Variants in TBX19 observed in about 807,000 individuals in gnomAD.
TBX19 encodes the protein T-box transcription factor TBX19.
A neutral mutation model predicts 40.9 loss-of-function variants in TBX19; 33 were observed. The ratio of observed to expected loss-of-function variants is 0.81; its 90% confidence interval spans 0.61 to 1.08. TBX19 has a LOEUF of 1.08. Ranked by LOEUF, TBX19 falls within the 50% of genes least tolerant of loss-of-function variation. TBX19 has a pLI of 0.00. For synonymous variants in TBX19, 220 were observed against 225.0 expected (o/e 0.98, Z 0.20); for missense variants, 494 against 574.0 (o/e 0.86, Z 1.42).
At position 168,312,960 on chromosome 1, in the gene TBX19, A is replaced by G; in HGVS notation, c.1305A>G (p.Pro435=). The G allele has an allele frequency of 6.2e-7, 1 of 1,614,244 alleles. No individual in the cohort carries two copies. Among genetic ancestry groups the G allele is most frequent in the South Asian group, 1.1e-5 (1 of 91,090 alleles). The change falls in exon 8 of 8, where the codon CCA becomes CCG. Residue 435 remains proline, a synonymous_variant. Coordinates refer to ENST00000367821, the MANE Select transcript of TBX19 (RefSeq NM_005149.3). ...ASHPFAGWGG[P]GAGGHHSPSS... is the part of the protein sequence containing the mutation. ...ATCCCTTCGCGGGCTGGGGTGGCCC[A>G]GGAGCGGGTGGGCACCATTCTCCTT...
intron 4 of TBX19, among the ~76,000 whole-genome samples, chr1:168,298,186 A>C (rs1414930462): frequency 6.6e-6 from 1 of 152,102 alleles, no homozygotes; most frequent in Non-Finnish European, 1.5e-5. Context: ...ACAGAGCGAG[A>C]CTCCGTCTCA....
rs558552710 is a variant in TBX19 at position 168,313,164 on chromosome 1, T to G, written c.*162T>G. On this transcript the variant is annotated 3_prime_UTR_variant, in exon 8 of 8. Coordinates refer to ENST00000367821, the MANE Select transcript of TBX19 (RefSeq NM_005149.3). Reference sequence around the variant, plus strand: ...AGTCATACTGGGAGAGGGTTCAGTTTGGATGATGCTAGTTAGATCATTTGC... The same window carrying G: ...AGTCATACTGGGAGAGGGTTCAGTTGGGATGATGCTAGTTAGATCATTTGC... The G allele has an allele frequency of 2.2e-5, 18 of 804,524 alleles. No individual in the cohort carries two copies. The highest frequency in any genetic ancestry group is 3.6e-5 in the Non-Finnish European group (18 of 494,858). The allele number at this position is 804,524 out of a possible 1,614,324, so 49.8% of individuals were successfully genotyped here.
rs770923560 is a variant in TBX19 at position 168,291,299 on chromosome 1, G to C, written c.343G>C (p.Glu115Gln). The stretch of plus-strand genomic sequence containing the variant: ...GGAATGGGTGCCCGCTGGCAAGCCA[G>C]AGGTCTCCAGCCACAGCTGCGTCTA... ...NGEWVPAGKP[E>Q]VSSHSCVYIH... The change falls in exon 2 of 8, where the codon GAG becomes CAG. Residue 115 changes from glutamate to glutamine, a missense_variant. Physicochemically the swap from Glu to Gln is conservative, Grantham distance 29. This residue lies in a region of TBX19 where 201 missense variants were observed against 235.2 expected (regional missense o/e 0.85). Coordinates refer to ENST00000367821, the MANE Select transcript of TBX19 (RefSeq NM_005149.3). 6.2e-7 allele frequency: 1 copy of C among 1,614,202 alleles called. No homozygotes were observed. The highest frequency in any genetic ancestry group is 1.7e-5 in the Admixed American group (1 of 60,024).
chr1:168,285,055 C>T (rs1238753113), intron 1 of TBX19, among the ~76,000 whole-genome samples: 1 of 152,146 alleles, frequency 6.6e-6, no homozygotes, highest in Non-Finnish European at 1.5e-5. Context: ...CATGTCCCTA[C>T]AGCCCATGGG....
chr1:168,290,317 A>G (rs180929572), intron 1 of TBX19, among the ~76,000 whole-genome samples: 36 of 152,334 alleles, frequency 2.4e-4, no homozygotes, highest in African/African-American at 8.2e-4. Flanking sequence ...GGATCGATGA[A>G]TCTAGATCTG....
At chr1:168,284,085 C>T (rs1648744567) in intron 1 of TBX19, among the ~76,000 whole-genome samples, 1 of 152,072 alleles carries the variant, frequency 6.6e-6, no homozygotes, top group African/African-American at 2.4e-5. Flanking sequence ...TCTTTCGTTC[C>T]TTCCTTTCTC....
At chr1:168,301,024 C>G (rs1424589513) in intron 5 of TBX19, among the ~76,000 whole-genome samples, 4 of 152,202 alleles carry the variant, frequency 2.6e-5, no homozygotes, top group African/African-American at 9.7e-5. Context: ...GTCCATGTCC[C>G]AGGATGGTGG....
intron 4 of TBX19, among the ~76,000 whole-genome samples, chr1:168,298,086 C>G (rs553473749): frequency 2.6e-4 from 40 of 152,260 alleles, no homozygotes; most frequent in African/African-American, 8.9e-4. Flanking sequence ...GTCCCAGCTA[C>G]TCGGGAGGCT....
chr1:168,291,571 G>A, intron 2 of TBX19, 147 bp downstream of exon 2: 1 of 1,153,296 alleles, frequency 8.7e-7, no homozygotes, highest in African/African-American at 1.5e-5. Flanking sequence ...GAGTCCAAAT[G>A]TAAACAAGAA....
Position 168,281,294 on chromosome 1 carries a change from G to A in TBX19, c.203+1G>A. On this transcript the variant is annotated splice_donor_variant, in intron 1 of 7. Transcript: ENST00000367821. LOFTEE classifies it high-confidence loss of function. ...AGATGATTGTGACCAAGAATGGCAG[G>A]TGAGTTTATCTGCCGCCCCGCGTGG... The A allele has an allele frequency of 6.2e-7, 1 of 1,614,034 alleles. No homozygotes were observed. The highest frequency in any genetic ancestry group is 8.5e-7 in the Non-Finnish European group (1 of 1,179,896).
At chr1:168,284,294 C>G (rs1354697377) in intron 1 of TBX19, among the ~76,000 whole-genome samples, 1 of 152,166 alleles carries the variant, frequency 6.6e-6, no homozygotes, top group African/African-American at 2.4e-5. Context: ...TGTATCCAGC[C>G]AGTATTCCCT....
Position 168,298,857 on chromosome 1 carries a change from T to C in TBX19, c.665+1072T>C, listed in dbSNP as rs1426391645. Among the ~76,000 whole-genome samples, 332 of 100,960 alleles carry C rather than the reference T, an allele frequency of 3.3e-3. 50 individuals carry two copies. The highest frequency in any genetic ancestry group is 0.013 in the African/African-American group (266 of 19,890). The allele number at this position is 100,960 out of a possible 152,430, so 66.2% of individuals were successfully genotyped here. On this transcript the variant is annotated intron_variant, in intron 4 of 7. Coordinates refer to ENST00000367821, the MANE Select transcript of TBX19 (RefSeq NM_005149.3). Reference sequence around the variant, plus strand: ...TTTCTTTCTTTCTTTCTTTCTTTCTTTCTTTCTTTCTTTCTTTCTTTCTTT... The same window carrying C: ...TTTCTTTCTTTCTTTCTTTCTTTCTCTCTTTCTTTCTTTCTTTCTTTCTTT...
chr1:168,305,451 A>C (rs1283085939), intron 6 of TBX19, among the ~76,000 whole-genome samples: 1 of 152,152 alleles, frequency 6.6e-6, no homozygotes, highest in Admixed American at 6.5e-5. Flanking sequence ...GTTTCTAATG[A>C]GCGTGAAAGG....
rs558833749 is a variant in TBX19 at position 168,306,271 on chromosome 1, C to T, written c.916+1075C>T. 4.6e-5 allele frequency among the ~76,000 whole-genome samples: 7 copies of T among 152,324 alleles called. No homozygotes were observed. The East Asian group carries it at 1.3e-3, about 29-fold the overall frequency. The stretch of plus-strand genomic sequence containing the variant: ...CTTTCCTGCGGTCAGCATCAAATCA[C>T]ATCTTCTGAGCACCTACTGTGTACC... On this transcript the variant is annotated intron_variant, in intron 6 of 7. Transcript: ENST00000367821.
In TBX19 at chr1:168,312,788, CA is replaced by C; in HGVS notation, c.1134del (p.Gly379GlufsTer10). 6.2e-7 allele frequency: 1 copy of C among 1,614,280 alleles called. No homozygotes were observed. The highest frequency in any genetic ancestry group is 8.5e-7 in the Non-Finnish European group (1 of 1,180,050). On this transcript the variant is annotated frameshift_variant, in exon 8 of 8. Transcript: ENST00000367821. LOFTEE classifies it high-confidence loss of function. ...GGCCCGGAGGTGCACGCCAGCACCC[CA>C]GGAGCATTTCTCCTCGGAAACCCAG... ...GPGPEVHAST[P>X]GAFLLGNPAV...
In TBX19 at chr1:168,281,265, A is replaced by G. The variant is rs1306722953; in HGVS notation, c.175A>G (p.Asn59Asp). 1 of 1,614,158 alleles carries G rather than the reference A, an allele frequency of 6.2e-7. No homozygotes were observed. Among genetic ancestry groups the G allele is most frequent in the African/African-American group, 1.3e-5 (1 of 75,048 alleles). Residue 59 changes from asparagine (N) to aspartate (D), a missense_variant, in exon 1 of 8, where the codon AAT becomes GAT. This residue lies in a region of TBX19 where 201 missense variants were observed against 235.2 expected (regional missense o/e 0.85). Transcript: ENST00000367821. ...PLWQRFKEVTNEMIVTKNGRR... is the reference protein window; with the variant it reads ...PLWQRFKEVTDEMIVTKNGRR... ...CTGGCAGAGATTCAAGGAAGTCACTAATGAGATGATTGTGACCAAGAATGG... is the reference window on the plus strand; with the variant it reads ...CTGGCAGAGATTCAAGGAAGTCACTGATGAGATGATTGTGACCAAGAATGG...
rs760352144 is a variant in TBX19 at position 168,305,173 on chromosome 1, T to G, written c.893T>G (p.Met298Arg). 4 of 1,612,800 alleles carry G rather than the reference T, an allele frequency of 2.5e-6. No individual in the cohort carries two copies. In the Admixed American group the frequency reaches 6.7e-5, roughly 27 times the overall value. Residue 298 changes from methionine to arginine, a missense_variant, in exon 6 of 8, where the codon ATG becomes AGG. Transcript: ENST00000367821. Reference protein sequence around the residue: ...HRQAPYPSAYMHRNHSPSVNL... With the variant: ...HRQAPYPSAYRHRNHSPSVNL... ...CAGGCTCCCTACCCTTCTGCGTACA[T>G]GCACAGAAACCATTCTCCCTCAGGT...
At chr1:168,294,544 C>G (rs1649052800) in intron 3 of TBX19, among the ~76,000 whole-genome samples, 1 of 151,984 alleles carries the variant, frequency 6.6e-6, no homozygotes, top group Non-Finnish European at 1.5e-5. Flanking sequence ...CTCTGTCACC[C>G]AGGCTGGAGT....
chr1:168,308,259 G>A (rs1649449646), intron 6 of TBX19: 1 of 184,414 alleles, frequency 5.4e-6, no homozygotes, highest in Non-Finnish European at 1.1e-5. Context: ...CAGGATTACA[G>A]GTGTGGGCAC....
Sources: gnomAD v4.1 joint callset for allele counts (sites outside exome capture counted in the v4.1 genomes callset) on GRCh38, gnomAD v4.1.1 for gene constraint, gnomAD v4.1.1 regional missense constraint, MANE v1.5 for transcripts, NCBI Gene and HGNC (gene_info 2026-07-23, HGNC 2026-07-21) for gene names.